Variants in GNB4 observed in about 807,000 individuals in gnomAD.
The protein encoded by GNB4 is G protein subunit beta 4.
A neutral mutation model predicts 45.2 loss-of-function variants in GNB4; 28 were observed. The ratio of observed to expected loss-of-function variants is 0.62; its 90% CI spans 0.46 to 0.85. The LOEUF (loss-of-function observed/expected upper bound fraction) is 0.85, where lower values mean the gene tolerates loss of function less well. Among genes scored for constraint, GNB4 ranks in the 40% least tolerant of loss-of-function variants. The pLI is 0.00. For synonymous variants in GNB4, 132 were observed against 143.7 expected (o/e 0.92, Z 0.58); for missense variants, 321 against 425.4 (o/e 0.75, Z 2.16).
At chr3:179,527,112 C>T in the GNB4 span, among the ~76,000 whole-genome samples, 1 of 151,924 alleles carries the variant, frequency 6.6e-6, no homozygotes. Context: ...TAGTGCAAGG[C>T]AGGAAGTATG....
intron 8 of GNB4, among the ~76,000 whole-genome samples, chr3:179,406,770 G>A (rs984904492): frequency 3.3e-5 from 5 of 151,952 alleles, no homozygotes; most frequent in Admixed American, 2.6e-4. Context: ...GCACCACAAC[G>A]CCTGGCTAAT....
the GNB4 span, among the ~76,000 whole-genome samples, chr3:179,518,299 T>C: frequency 6.6e-6 from 1 of 152,150 alleles, no homozygotes; most frequent in Non-Finnish European, 1.5e-5. Flanking sequence ...ATAATTCCTG[T>C]CATAAAATGG....
the GNB4 span, among the ~76,000 whole-genome samples, chr3:179,495,094 G>A: frequency 6.6e-6 from 1 of 151,744 alleles, no homozygotes; most frequent in Admixed American, 6.6e-5. Context: ...GGAAACAAAA[G>A]AATTGAAAGC....
chr3:179,490,299 G>A, the GNB4 span, among the ~76,000 whole-genome samples: 1 of 152,128 alleles, frequency 6.6e-6, no homozygotes, highest in Admixed American at 6.5e-5. Flanking sequence ...ATGCAGCCAG[G>A]TCAATTGTCT....
rs1714186061 is a variant in GNB4, at chr3:179,398,452, TTGAGGTTGCAA to T, written c.*2750_*2760del. 1 of 151,236 alleles carries T rather than the reference TTGAGGTTGCAA, an allele frequency of 6.6e-6. No individual in the cohort carries two copies. Among genetic ancestry groups the T allele is most frequent in the African/African-American group, 2.4e-5 (1 of 41,010 alleles). The allele number at this position is 151,236 out of a possible 1,614,324, so 9.4% of individuals were successfully genotyped here. ...ATTGCTTGAACCCAGGAGGCAGAGG[TTGAGGTTGCAA>T]TGAGCCAAAATCACACCACTGTACA... On this transcript the variant is annotated 3_prime_UTR_variant, in exon 10 of 10. Transcript: ENST00000232564.
At position 179,404,401 on chromosome 3, in the gene GNB4, G is replaced by A. The variant is rs77729724; in HGVS notation, c.916+789C>T. Among the ~76,000 whole-genome samples the A allele has an allele frequency of 1.2e-4, 19 of 152,100 alleles. No homozygotes were observed. The East Asian group carries it at 3.7e-3, about 29-fold the overall frequency. On this transcript the variant is annotated intron_variant, in intron 9 of 9. Transcript: ENST00000232564. ...TTTTAAACAAGTAACAGCAATACAG[G>A]CATGTTATTTAGAGATATGTAAGTA...
chr3:179,437,186 G>T (rs907199984), intron 1 of GNB4, among the ~76,000 whole-genome samples: 2 of 152,184 alleles, frequency 1.3e-5, no homozygotes, highest in South Asian at 4.1e-4. Context: ...TACATTCATT[G>T]TATTGGCATA....
intron 8 of GNB4, among the ~76,000 whole-genome samples, chr3:179,407,749 G>A (rs74414423): frequency 0.016 from 2,261 of 143,856 alleles, 68 homozygotes; most frequent in African/African-American, 0.057. Context: ...CAGCAGAGCC[G>A]TGTGAGAAAA....
intron 8 of GNB4, among the ~76,000 whole-genome samples, chr3:179,413,093 G>T (rs780993558): frequency 6.6e-6 from 1 of 151,808 alleles, no homozygotes; most frequent in Non-Finnish European, 1.5e-5. Context: ...TGGGAGGATC[G>T]CTTGAGCCCA....
the GNB4 span, among the ~76,000 whole-genome samples, chr3:179,516,218 A>G: frequency 1.3e-5 from 2 of 152,286 alleles, no homozygotes; most frequent in Admixed American, 1.3e-4. Context: ...AGTAAGGGGT[A>G]TGAAGGTTTT....
At chr3:179,521,880 G>T in the GNB4 span, among the ~76,000 whole-genome samples, 5,590 of 151,716 alleles carry the variant, frequency 0.037, 302 homozygotes, top group East Asian at 0.22. Flanking sequence ...TAACAACCCC[G>T]CAATATCACC....
chr3:179,480,478 A>G, the GNB4 span, among the ~76,000 whole-genome samples: 1 of 152,044 alleles, frequency 6.6e-6, no homozygotes, highest in Non-Finnish European at 1.5e-5. Flanking sequence ...CCTTCTCTCC[A>G]TCATAAATTA....
chr3:179,512,804 T>C, the GNB4 span, among the ~76,000 whole-genome samples: 7 of 152,206 alleles, frequency 4.6e-5, no homozygotes, highest in Admixed American at 4.6e-4. Flanking sequence ...CATGTGTGCG[T>C]GCATGTACGT....
the GNB4 span, among the ~76,000 whole-genome samples, chr3:179,460,130 CT>C: frequency 2.0e-5 from 3 of 152,176 alleles, no homozygotes; most frequent in African/African-American, 7.2e-5. Flanking sequence ...ATTAATCCTG[CT>C]TTTTCTGCAT....
intron 1 of GNB4, among the ~76,000 whole-genome samples, chr3:179,447,567 C>G (rs905144738): frequency 2.6e-5 from 4 of 151,934 alleles, no homozygotes; most frequent in Non-Finnish European, 4.4e-5. Context: ...GAGATATAAC[C>G]TGCTTTGATT....
At chr3:179,433,408 G>A (rs553319277) in intron 1 of GNB4, among the ~76,000 whole-genome samples, 1 of 152,188 alleles carries the variant, frequency 6.6e-6, no homozygotes. Flanking sequence ...TCCTATATAT[G>A]AGAAAACTGG....
At chr3:179,453,581 A>G (rs1715936153), upstream of GNB4, among the ~76,000 whole-genome samples, 1 of 152,360 alleles carries the variant, frequency 6.6e-6, no homozygotes, top group African/African-American at 2.4e-5. Context: ...GAGATAGTCT[A>G]TTCCAGAAAA....
At chr3:179,474,709 T>G in the GNB4 span, among the ~76,000 whole-genome samples, 1 of 150,720 alleles carries the variant, frequency 6.6e-6, no homozygotes, top group Non-Finnish European at 1.5e-5. Context: ...CTGTTTTGTG[T>G]TGCTGTAACA....
intron 1 of GNB4, among the ~76,000 whole-genome samples, chr3:179,448,079 G>GGAT (rs751284333): frequency 6.6e-6 from 1 of 152,168 alleles, no homozygotes; most frequent in African/African-American, 2.4e-5. Flanking sequence ...GGAGTAGGAG[G>GGAT]GATAATGTGT....
Sources: allele counts gnomAD v4.1 joint callset (sites outside exome capture counted in the v4.1 genomes callset), GRCh38; gene constraint gnomAD v4.1.1; transcripts MANE v1.5; gene names NCBI Gene and HGNC (gene_info 2026-07-23, HGNC 2026-07-21).